Variants in BEND3 observed in about 807,000 individuals in gnomAD.
The protein encoded by BEND3 is BEN domain-containing protein 3.
Under a neutral mutation model 60.1 loss-of-function variants are expected in BEND3, and 13 were observed. The ratio of observed to expected loss-of-function variants is 0.22; its 90% CI spans 0.14 to 0.34. The LOEUF is 0.34. Ranked by LOEUF, BEND3 falls within the 10% of genes least tolerant of loss-of-function variation. The pLI is 1.00. For synonymous variants in BEND3, 497 were observed against 491.5 expected (o/e 1.01, Z -0.15); for missense variants, 896 against 1,138.1 (o/e 0.79, Z 3.06).
chr6:107,102,167 T>G (rs1775714638), intron 1 of BEND3, among the ~76,000 whole-genome samples: 1 of 151,920 alleles, frequency 6.6e-6, no homozygotes, highest in Non-Finnish European at 1.5e-5. Context: ...CCATGGGTGG[T>G]GAGAAGGGCA....
chr6:107,075,490 A>T (rs1775082251), intron 3 of BEND3, among the ~76,000 whole-genome samples: 1 of 152,214 alleles, frequency 6.6e-6, no homozygotes, highest in Non-Finnish European at 1.5e-5. Flanking sequence ...TGTAGAATGT[A>T]AAGTAAAATT....
intron 3 of BEND3, among the ~76,000 whole-genome samples, chr6:107,080,706 A>G (rs1775214393): frequency 6.6e-6 from 1 of 151,760 alleles, no homozygotes; most frequent in African/African-American, 2.4e-5. Flanking sequence ...ACATGGTGAA[A>G]CCCCATCTCT....
chr6:107,101,794 C>T (rs1775707112), intron 1 of BEND3, among the ~76,000 whole-genome samples: 1 of 152,120 alleles, frequency 6.6e-6, no homozygotes, highest in Non-Finnish European at 1.5e-5. Context: ...AGACCGGATT[C>T]CCAGCCTGGT....
At chr6:107,090,242 G>T (rs1775447275) in intron 3 of BEND3, among the ~76,000 whole-genome samples, 2 of 152,072 alleles carry the variant, frequency 1.3e-5, no homozygotes, top group Admixed American at 1.3e-4. Context: ...CCAGCTTCTG[G>T]GGAGGCTGAG....
intron 3 of BEND3, among the ~76,000 whole-genome samples, chr6:107,083,692 TG>T (rs1427737184): frequency 6.6e-6 from 1 of 152,158 alleles, no homozygotes; most frequent in Non-Finnish European, 1.5e-5. Flanking sequence ...CATTTTTTTC[TG>T]GACATTACAG....
chr6:107,098,586 C>T lies in BEND3; in HGVS notation c.205G>A (p.Val69Ile), dbSNP rs1554236328. Residue 69 changes from valine to isoleucine, a missense_variant, in exon 3 of 4, where the codon GTC (valine) becomes ATC (isoleucine). Val to Ile is a conservative substitution (Grantham distance 29). Transcript: ENST00000369042. ...AGCCGCCTCCTCTTCACGCCGGGGA[C>T]AGAGTCTAGCAGGCCATCGCTGACC... ...QLVSDGLLDS[V>I]PGVKRRRLIP... 6 of 1,613,504 alleles carry T rather than the reference C, an allele frequency of 3.7e-6. No homozygotes were observed. Among genetic ancestry groups the T allele is most frequent in the Non-Finnish European group, 5.1e-6 (6 of 1,180,032 alleles).
chr6:107,104,313 G>C (rs1554237111), intron 1 of BEND3, among the ~76,000 whole-genome samples: 1 of 144,792 alleles, frequency 6.9e-6, no homozygotes, highest in Admixed American at 6.9e-5. Context: ...AAAAAAGGAA[G>C]AACCACATCA....
Position 107,069,467 on chromosome 6 carries a change from G to C in BEND3, c.1724C>G (p.Ser575Trp), listed in dbSNP as rs782415484. 1.2e-6 allele frequency: 2 copies of C among 1,612,444 alleles called. No individual in the cohort carries two copies. The highest frequency in any genetic ancestry group is 1.3e-5 in the African/African-American group (1 of 74,866). Residue 575 changes from serine to tryptophan, a missense_variant, in exon 4 of 4, where the codon TCG becomes TGG. Transcript: ENST00000369042. ...ESSLSIGNFA[S>W]RLLVHLFPEL... is the part of the protein sequence containing the mutation. The stretch of plus-strand genomic sequence containing the variant: ...GGGGAACAGGTGCACCAGCAGGCGC[G>C]AGGCGAAGTTGCCGATGGACAGGCT...
At chr6:107,076,170 A>C (rs1775095157) in intron 3 of BEND3, among the ~76,000 whole-genome samples, 1 of 152,180 alleles carries the variant, frequency 6.6e-6, no homozygotes, top group South Asian at 2.1e-4. Flanking sequence ...TTAATTCCAC[A>C]AATGCTGCCA....
chr6:107,091,587 A>G (rs1775475644), intron 3 of BEND3, among the ~76,000 whole-genome samples: 1 of 152,164 alleles, frequency 6.6e-6, no homozygotes, highest in South Asian at 2.1e-4. Flanking sequence ...AAAAGACACA[A>G]TCTTCTAGAA....
intron 1 of BEND3, among the ~76,000 whole-genome samples, chr6:107,110,457 CAGA>C (rs1230043411): frequency 7.2e-5 from 11 of 152,262 alleles, no homozygotes; most frequent in South Asian, 4.2e-4. Context: ...GTATCAGAAG[CAGA>C]AGAAGAGCAT....
In BEND3 at chr6:107,093,420, C is replaced by T. The variant is rs529555105; in HGVS notation, c.240+5131G>A. ...AGCTTGCAGTGAGCCAAGATCGCGC[C>T]ACTGCACTCCAGCCTGGGCGACAGA... On this transcript the variant is annotated intron_variant, in intron 3 of 3. Coordinates refer to ENST00000369042, the MANE Select transcript of BEND3 (RefSeq NM_001367314.1). 1.2e-3 allele frequency among the ~76,000 whole-genome samples: 182 copies of T among 150,760 alleles called. 1 individual carries two copies. Among genetic ancestry groups the T allele is most frequent in the African/African-American group, 4.2e-3 (172 of 40,996 alleles).
Position 107,069,930 on chromosome 6 carries a change from C to G in BEND3, c.1261G>C (p.Glu421Gln). The G allele has an allele frequency of 1.2e-6, 2 of 1,613,792 alleles. No individual in the cohort carries two copies. The highest frequency in any genetic ancestry group is 1.7e-6 in the Non-Finnish European group (2 of 1,180,002). The change falls in exon 4 of 4, where the codon GAG (glutamate) becomes CAG (glutamine). Residue 421 changes from glutamate to glutamine, a missense_variant. Glu to Gln is a conservative substitution (Grantham distance 29). This residue lies in a region of BEND3 where 846 missense variants were observed against 1,036.7 expected (regional missense o/e 0.82). Coordinates refer to ENST00000369042, the MANE Select transcript of BEND3 (RefSeq NM_001367314.1). ...CCCAGCTTGCGGTGGTCGAAGAGCT[C>G]GGGGAAGAGCCGGTGGAGGAGGAAG... is the stretch of plus-strand genomic sequence containing the variant. ...AVFLLHRLFP[E>Q]LFDHRKLGEQ...
At chr6:107,091,495 C>T (rs1775473833) in intron 3 of BEND3, among the ~76,000 whole-genome samples, 1 of 152,046 alleles carries the variant, frequency 6.6e-6, no homozygotes, top group Non-Finnish European at 1.5e-5. Context: ...GCCCCATGGA[C>T]ATTGAAAGAA....
rs1774955144 is a variant in BEND3 at position 107,070,646 on chromosome 6, G to C, written c.545C>G (p.Thr182Ser). The C allele has an allele frequency of 4.3e-6, 7 of 1,612,404 alleles. No homozygotes were observed. Among genetic ancestry groups the C allele is most frequent in the Non-Finnish European group, 5.9e-6 (7 of 1,179,902 alleles). ...NEPQKRDCGS[T>S]GAGTDNDPNI... The stretch of plus-strand genomic sequence containing the variant: ...GGGGTCGTTGTCAGTGCCTGCCCCG[G>C]TGCTGCCACAGTCCCGCTTCTGTGG... Residue 182 changes from threonine to serine, a missense_variant, in exon 4 of 4, where the codon ACC becomes AGC. Transcript: ENST00000369042. This position sits in a 1 kb window ranked among gnomAD's most constrained non-coding sequence, Gnocchi z 6.9.
At chr6:107,109,456 A>AAAAAAAAAAAAAAAC in intron 1 of BEND3, among the ~76,000 whole-genome samples, 3 of 149,230 alleles carry the variant, frequency 2.0e-5, no homozygotes, top group Non-Finnish European at 3.0e-5. Flanking sequence ...AAAAAAAAAA[A>AAAAAAAAAAAAAAAC]AATCGAGGTG....
chr6:107,086,214 AG>A (rs1251452919), intron 3 of BEND3, among the ~76,000 whole-genome samples: 1 of 152,092 alleles, frequency 6.6e-6, no homozygotes, highest in Non-Finnish European at 1.5e-5. Flanking sequence ...TTTCACCTGG[AG>A]GAAGAGAAAT....
intron 1 of BEND3, among the ~76,000 whole-genome samples, chr6:107,099,872 A>ATTT (rs35134580): frequency 5.4e-5 from 8 of 147,942 alleles, no homozygotes; most frequent in African/African-American, 2.0e-4. Flanking sequence ...CTCACTAGTA[A>ATTT]TTTTTTTTTT....
intron 3 of BEND3, among the ~76,000 whole-genome samples, chr6:107,090,673 T>C (rs1173044561): frequency 2.6e-5 from 4 of 152,164 alleles, no homozygotes; most frequent in African/African-American, 9.7e-5. Context: ...TTTGTTATTA[T>C]AAGGTACTCA....
Sources: allele counts gnomAD v4.1 joint callset (sites outside exome capture counted in the v4.1 genomes callset), GRCh38; gene constraint gnomAD v4.1.1; regional missense constraint gnomAD v4.1.1; non-coding constraint Gnocchi (gnomAD v3.1); transcripts MANE v1.5; gene names NCBI Gene and HGNC (gene_info 2026-07-23, HGNC 2026-07-21).